Variants in CSMD1 observed in about 807,000 individuals in gnomAD.
CSMD1 encodes the protein CUB and sushi domain-containing protein 1.
CSMD1 carries 213 observed loss-of-function variants against 417.5 expected under a neutral mutation model. That is an observed-to-expected ratio of 0.51 (90% CI 0.46 to 0.57). The LOEUF (loss-of-function observed/expected upper bound fraction) is 0.57. CSMD1 is among the 20% of genes least tolerant of loss of function. The pLI is 0.00. For missense variants in CSMD1, 6,923 were observed against 4,529.7 expected (o/e 1.53, Z -15.17); for synonymous variants, 2,862 against 1,736.8 (o/e 1.65, Z -16.11).
At chr8:4,529,403 A>G (rs192366571) in intron 2 of CSMD1, among the ~76,000 whole-genome samples, 203 of 152,286 alleles carry the variant, frequency 1.3e-3, no homozygotes, top group Non-Finnish European at 2.2e-3. Flanking sequence ...CTCTGGCTAA[A>G]TTGTTTTCTT....
At chr8:3,853,873 TTAATA>T (rs1232832128) in intron 5 of CSMD1, among the ~76,000 whole-genome samples, 2 of 140,974 alleles carry the variant, frequency 1.4e-5, no homozygotes, top group Non-Finnish European at 3.1e-5. Context: ...ATATTATACT[TTAATA>T]TATTAATATA....
intron 3 of CSMD1, among the ~76,000 whole-genome samples, chr8:4,338,655 T>C (rs1418858536): frequency 6.6e-6 from 1 of 152,110 alleles, no homozygotes; most frequent in East Asian, 1.9e-4. Context: ...TAAAATGTGC[T>C]CACGGGTGAG....
chr8:4,786,758 G>A (rs531649414), intron 1 of CSMD1, among the ~76,000 whole-genome samples: 1 of 151,452 alleles, frequency 6.6e-6, no homozygotes, highest in African/African-American at 2.4e-5. Context: ...CTTAACACAT[G>A]TTTCTTTTGC....
chr8:3,485,255 G>C (rs1817958552), intron 11 of CSMD1, among the ~76,000 whole-genome samples: 1 of 152,136 alleles, frequency 6.6e-6, no homozygotes, highest in South Asian at 2.1e-4. Context: ...AGTACACAAA[G>C]TCCAGGGAAT....
At chr8:4,923,069 G>A (rs1175315612) in intron 1 of CSMD1, among the ~76,000 whole-genome samples, 4 of 152,088 alleles carry the variant, frequency 2.6e-5, no homozygotes, top group African/African-American at 4.8e-5. Flanking sequence ...CAACTTAGGG[G>A]AACAATCTTA....
At chr8:4,287,763 C>T (rs974356189) in intron 3 of CSMD1, among the ~76,000 whole-genome samples, 8 of 151,506 alleles carry the variant, frequency 5.3e-5, no homozygotes, top group Admixed American at 2.6e-4. Context: ...AAAGTGGACC[C>T]GGTCGGTTGA....
rs181704684 is a variant in CSMD1, at chr8:4,174,328, T to C, written c.416-142229A>G. Among the ~76,000 whole-genome samples the C allele has an allele frequency of 6.3e-3, 960 of 152,278 alleles. 5 individuals carry two copies. The highest frequency in any genetic ancestry group is 9.5e-3 in the Non-Finnish European group (649 of 68,036). ...CATCCACTACATGACCTAGGTATTA[T>C]TCCCGTTTTACAGATTAAAGTGCAG... On this transcript the variant is annotated intron_variant, in intron 3 of 69. Transcript: ENST00000635120.
chr8:4,471,073 A>C (rs1004599097), intron 2 of CSMD1, among the ~76,000 whole-genome samples: 4 of 152,192 alleles, frequency 2.6e-5, no homozygotes, highest in African/African-American at 9.6e-5. Context: ...AAATCAGTTA[A>C]AATCTTTGAC....
Position 3,301,420 on chromosome 8 carries a change from TATG to T in CSMD1, c.3950+6272_3950+6274del, listed in dbSNP as rs1225547668. Among the ~76,000 whole-genome samples, 7 of 152,124 alleles carry T rather than the reference TATG, an allele frequency of 4.6e-5. No homozygotes were observed. In the South Asian group the frequency reaches 8.3e-4, roughly 18 times the overall value. ...TGCCCTGGAGGTCTTGACATGTGGATATGATATTAACAGAGATTATTAGTACAG... is the reference window on the plus strand; with the variant it reads ...TGCCCTGGAGGTCTTGACATGTGGATATATTAACAGAGATTATTAGTACAG... On this transcript the variant is annotated intron_variant, in intron 25 of 69. Transcript: ENST00000635120.
chr8:3,893,338 T>TA (rs1321261663), intron 5 of CSMD1, among the ~76,000 whole-genome samples: 19 of 81,672 alleles, frequency 2.3e-4, no homozygotes, highest in South Asian at 4.2e-4. Context: ...TATTCACAAT[T>TA]TTATATATAT....
intron 3 of CSMD1, among the ~76,000 whole-genome samples, chr8:4,329,196 G>T (rs992413162): frequency 1.3e-5 from 2 of 152,168 alleles, no homozygotes; most frequent in African/African-American, 2.4e-5. Flanking sequence ...CAAGTATAGA[G>T]ATGTTTCCAA....
intron 1 of CSMD1, among the ~76,000 whole-genome samples, chr8:4,678,928 C>A (rs1414169484): frequency 1.3e-5 from 2 of 152,118 alleles, no homozygotes; most frequent in African/African-American, 4.8e-5. Context: ...TTGTACTTAA[C>A]TACATAAACC....
At chr8:3,557,500 T>G (rs910289852) in intron 10 of CSMD1, among the ~76,000 whole-genome samples, 2 of 149,706 alleles carry the variant, frequency 1.3e-5, no homozygotes, top group Non-Finnish European at 3.0e-5. Context: ...ACATGTCTCA[T>G]TATGCACCAT....
At chr8:4,759,308 G>A (rs755419211) in intron 1 of CSMD1, among the ~76,000 whole-genome samples, 58 of 152,182 alleles carry the variant, frequency 3.8e-4, no homozygotes, top group Non-Finnish European at 6.9e-4. Context: ...AGCCAAGAGG[G>A]CATCTGGTCT....
chr8:3,808,414 A>G (rs995972416), intron 5 of CSMD1, among the ~76,000 whole-genome samples: 2 of 152,122 alleles, frequency 1.3e-5, no homozygotes, highest in Admixed American at 1.3e-4. Flanking sequence ...AAGTTTTACT[A>G]CTCAACCAAA....
At chr8:4,956,064 G>A (rs1408646007) in intron 1 of CSMD1, among the ~76,000 whole-genome samples, 1 of 152,168 alleles carries the variant, frequency 6.6e-6, no homozygotes, top group African/African-American at 2.4e-5. Context: ...ATCCTGGGGT[G>A]ACGTAAAACC....
chr8:4,093,552 T>C (rs527245616), intron 3 of CSMD1, among the ~76,000 whole-genome samples: 2 of 152,334 alleles, frequency 1.3e-5, no homozygotes, highest in Non-Finnish European at 2.9e-5. Flanking sequence ...TTTTCTCTTT[T>C]ATATAGAACA....
At chr8:3,099,967 C>T (rs1815612216) in intron 46 of CSMD1, among the ~76,000 whole-genome samples, 1 of 152,116 alleles carries the variant, frequency 6.6e-6, no homozygotes. Flanking sequence ...AAATACTTAG[C>T]AATACTTTTT....
intron 6 of CSMD1, among the ~76,000 whole-genome samples, chr8:3,727,614 C>A (rs188992066): frequency 6.6e-6 from 1 of 152,132 alleles, no homozygotes; most frequent in South Asian, 2.1e-4. Context: ...TCGACTTTTG[C>A]GTACACACCT....
Sources: allele counts gnomAD v4.1 joint callset (sites outside exome capture counted in the v4.1 genomes callset), GRCh38; gene constraint gnomAD v4.1.1; transcripts MANE v1.5; gene names NCBI Gene and HGNC (gene_info 2026-07-23, HGNC 2026-07-21).